The following ISM1 variants were observed in gnomAD, a reference collection of about 807,000 sequenced individuals.
ISM1 encodes isthmin-1.
In ISM1, 25 loss-of-function variants were observed where a neutral mutation model predicts 46.3. That is an observed-to-expected ratio of 0.54 (90% CI 0.39 to 0.75). The LOEUF (loss-of-function observed/expected upper bound fraction) is 0.75, where lower values mean the gene tolerates loss of function less well. ISM1 is among the 30% of genes least tolerant of loss of function. The pLI is 0.00. For synonymous variants in ISM1, 255 were observed against 256.7 expected (o/e 0.99, Z 0.06); for missense variants, 536 against 625.4 (o/e 0.86, Z 1.52).
In ISM1 at chr20:13,221,754, C is replaced by A; in HGVS notation, c.-23C>A. On this transcript the variant is annotated 5_prime_UTR_variant, in exon 1 of 6. Transcript: ENST00000262487. ...CCGCCGCCGGCCGCCGCGCCGGGTC[C>A]TAAAGCCGCGCGTCTCAAAAGGATG... 1 of 1,422,902 alleles carries A rather than the reference C, an allele frequency of 7.0e-7. No individual in the cohort carries two copies. Among genetic ancestry groups the A allele is most frequent in the Non-Finnish European group, 9.2e-7 (1 of 1,092,434 alleles). 88.1% of individuals were successfully genotyped at this position (1,422,902 alleles called of 1,614,324 possible). A position where few individuals can be genotyped will look rare whatever the true frequency, so the allele number is the denominator to read the frequency against.
At position 13,221,817 on chromosome 20, in the gene ISM1, T is replaced by C; in HGVS notation, c.41T>C (p.Leu14Pro). ...LAAELLLLLG[L>P]LLLTLHITVL... The stretch of plus-strand genomic sequence containing the variant: ...GCCGAGCTGCTGCTGCTGCTGGGGC[T>C]GCTGCTGCTCACGCTGCACATCACC... The change falls in exon 1 of 6, where the codon CTG becomes CCG. Residue 14 changes from leucine to proline, a missense_variant. Leu to Pro is a moderately conservative substitution (Grantham distance 98, BLOSUM62 -3). Around this residue, in one of 2 missense-constraint regions of ISM1, gnomAD observed 367 missense variants for 376.1 expected, o/e 0.98. Coordinates refer to ENST00000262487, the MANE Select transcript of ISM1 (RefSeq NM_080826.2). 1 of 1,457,972 alleles carries C rather than the reference T, an allele frequency of 6.9e-7. No individual in the cohort carries two copies. The highest frequency in any genetic ancestry group is 2.5e-5 in the Admixed American group (1 of 40,372). The allele number at this position is 1,457,972 out of a possible 1,614,324, so 90.3% of individuals were successfully genotyped here. A position where few individuals can be genotyped will look rare whatever the true frequency, so the allele number is the denominator to read the frequency against.
intron 1 of ISM1, among the ~76,000 whole-genome samples, chr20:13,261,993 C>T (rs562143546): frequency 1.9e-4 from 29 of 152,288 alleles, no homozygotes; most frequent in African/African-American, 6.7e-4. Flanking sequence ...GTGTCCTGTT[C>T]GACACCCGTT....
At chr20:13,306,564 C>CAAAAAAAAAAAAAAAAAAAAAAAAAAAAA in the ISM1 span, among the ~76,000 whole-genome samples, 9 of 63,906 alleles carry the variant, frequency 1.4e-4, no homozygotes, top group East Asian at 5.3e-4. Flanking sequence ...GGAGAAAGGA[C>CAAAAAAAAAAAAAAAAAAAAAAAAAAAAA]AAAAAAAAAA....
chr20:13,257,596 A>T (rs181881448), intron 1 of ISM1, among the ~76,000 whole-genome samples: 9 of 152,208 alleles, frequency 5.9e-5, no homozygotes, highest in African/African-American at 2.2e-4. Context: ...CATTGTTTTT[A>T]TCATCACTAT....
the ISM1 span, among the ~76,000 whole-genome samples, chr20:13,326,606 T>A: frequency 6.6e-6 from 1 of 152,180 alleles, no homozygotes; most frequent in Non-Finnish European, 1.5e-5. Context: ...TTCCTTAGCG[T>A]TTCATGATGT....
the ISM1 span, among the ~76,000 whole-genome samples, chr20:13,322,271 G>C: frequency 6.6e-6 from 1 of 152,150 alleles, no homozygotes; most frequent in African/African-American, 2.4e-5. Flanking sequence ...ATCTTCAAAG[G>C]CAGTTTGTGC....
At chr20:13,227,956 TGCC>T (rs1280840806) in intron 1 of ISM1, among the ~76,000 whole-genome samples, 2 of 148,856 alleles carry the variant, frequency 1.3e-5, no homozygotes, top group Non-Finnish European at 3.0e-5. Context: ...TAGCTGCTGC[TGCC>T]TTTTTTTTTT....
chr20:13,308,618 A>G, the ISM1 span, among the ~76,000 whole-genome samples: 1 of 152,228 alleles, frequency 6.6e-6, no homozygotes. Context: ...TAAGTTCATA[A>G]TAGAGAATAC....
chr20:13,254,140 G>A lies in ISM1; in HGVS notation c.139-16364G>A, dbSNP rs912165648. Among the ~76,000 whole-genome samples, 274 of 151,754 alleles carry A rather than the reference G, an allele frequency of 1.8e-3. 1 individual carries two copies. The highest frequency in any genetic ancestry group is 5.9e-3 in the African/African-American group (245 of 41,416). On this transcript the variant is annotated intron_variant, in intron 1 of 5. Coordinates refer to ENST00000262487, the MANE Select transcript of ISM1 (RefSeq NM_080826.2). Reference sequence around the variant, plus strand: ...CCCAGCTACTTGGGAGACTGAGGCAGGAGAATCACTTGAGCCCAGGAGGGG... The same window carrying A: ...CCCAGCTACTTGGGAGACTGAGGCAAGAGAATCACTTGAGCCCAGGAGGGG...
chr20:13,321,275 A>T, the ISM1 span, among the ~76,000 whole-genome samples: 4 of 150,520 alleles, frequency 2.7e-5, no homozygotes, highest in African/African-American at 9.8e-5. Context: ...AAAAAAAAAA[A>T]AGATTTTATG....
At chr20:13,272,898 T>C (rs190648153) in intron 2 of ISM1, among the ~76,000 whole-genome samples, 292 of 152,354 alleles carry the variant, frequency 1.9e-3, no homozygotes, top group African/African-American at 6.8e-3. Flanking sequence ...GTTTAGGCCA[T>C]GCCCAAAACA....
At chr20:13,302,999 T>C (rs1388557356), downstream of ISM1, among the ~76,000 whole-genome samples, 2 of 152,218 alleles carry the variant, frequency 1.3e-5, no homozygotes, top group Non-Finnish European at 2.9e-5. Context: ...GAACAGCTAC[T>C]ATACAAGCCA....
At chr20:13,270,090 T>C (rs1427458569) in intron 1 of ISM1, among the ~76,000 whole-genome samples, 1 of 152,190 alleles carries the variant, frequency 6.6e-6, no homozygotes, top group Non-Finnish European at 1.5e-5. Flanking sequence ...TTTTGCTCCA[T>C]AGCCTACACA....
chr20:13,295,027 T>A (rs965075158), intron 5 of ISM1, among the ~76,000 whole-genome samples: 2 of 152,138 alleles, frequency 1.3e-5, no homozygotes, highest in African/African-American at 4.8e-5. Context: ...GTTCTATTGA[T>A]GAGTGCCCAA....
chr20:13,249,134 A>G (rs2039836552), intron 1 of ISM1, among the ~76,000 whole-genome samples: 1 of 152,190 alleles, frequency 6.6e-6, no homozygotes, highest in Non-Finnish European at 1.5e-5. Context: ...ATTTTTGAAA[A>G]GATAAATAAA....
chr20:13,224,673 G>A (rs1371079299), intron 1 of ISM1, among the ~76,000 whole-genome samples: 1 of 151,814 alleles, frequency 6.6e-6, no homozygotes, highest in Non-Finnish European at 1.5e-5. Flanking sequence ...TACCTGAATT[G>A]TAGTATGTTT....
At chr20:13,302,459 G>A (rs890197191), downstream of ISM1, among the ~76,000 whole-genome samples, 1 of 152,184 alleles carries the variant, frequency 6.6e-6, no homozygotes, top group Non-Finnish European at 1.5e-5. Context: ...CTCATGCCTA[G>A]GTTGTCTAAT....
chr20:13,241,729 C>A (rs1431876887), intron 1 of ISM1, among the ~76,000 whole-genome samples: 1 of 151,988 alleles, frequency 6.6e-6, no homozygotes, highest in East Asian at 1.9e-4. Flanking sequence ...GAAGGAAGGG[C>A]AGTTGGATTT....
At chr20:13,261,686 C>T (rs1215641192) in intron 1 of ISM1, among the ~76,000 whole-genome samples, 1 of 152,188 alleles carries the variant, frequency 6.6e-6, no homozygotes, top group Non-Finnish European at 1.5e-5. Context: ...GTCCAATGAC[C>T]TTTGAAACCC....
Sources: gnomAD v4.1 joint callset for allele counts (sites outside exome capture counted in the v4.1 genomes callset) on GRCh38, gnomAD v4.1.1 for gene constraint, gnomAD v4.1.1 regional missense constraint, MANE v1.5 for transcripts, NCBI Gene and HGNC (gene_info 2026-07-23, HGNC 2026-07-21) for gene names.